Variants in CNTN4 observed in about 807,000 individuals in gnomAD.
The protein encoded by CNTN4 is contactin 4.
In CNTN4, 77 loss-of-function variants were observed where a neutral mutation model predicts 122.5. The observed-to-expected ratio is 0.63, with a 90% CI of 0.52 to 0.76. The LOEUF (loss-of-function observed/expected upper bound fraction) is 0.76. CNTN4 is among the 30% of genes least tolerant of loss of function. The pLI is 0.00. For missense variants in CNTN4, 1,256 were observed against 1,259.1 expected (o/e 1.00, Z 0.04); for synonymous variants, 512 against 447.0 (o/e 1.15, Z -1.83).
chr3:2,679,822 A>G (rs2085073006), intron 4 of CNTN4, among the ~76,000 whole-genome samples: 1 of 152,152 alleles, frequency 6.6e-6, no homozygotes, highest in South Asian at 2.1e-4. Flanking sequence ...CATTCTCACT[A>G]TAATTGCAAT....
chr3:2,806,323 AC>A (rs1216744037), intron 6 of CNTN4, among the ~76,000 whole-genome samples: 1 of 152,162 alleles, frequency 6.6e-6, no homozygotes, highest in Non-Finnish European at 1.5e-5. Flanking sequence ...TGGATTGTAA[AC>A]GTCTTGAGAT....
At chr3:2,211,107 G>T (rs2038596645) in intron 2 of CNTN4, among the ~76,000 whole-genome samples, 1 of 152,162 alleles carries the variant, frequency 6.6e-6, no homozygotes, top group South Asian at 2.1e-4. Context: ...ATCTGCTCCT[G>T]GAGAGGCCTC....
intron 4 of CNTN4, among the ~76,000 whole-genome samples, chr3:2,613,208 A>G (rs1037612994): frequency 3.3e-5 from 5 of 152,110 alleles, no homozygotes; most frequent in Middle Eastern, 3.2e-3. Flanking sequence ...AAAAAGTTCT[A>G]TGTATTTCCA....
At chr3:2,281,879 C>G (rs1282917326) in intron 2 of CNTN4, among the ~76,000 whole-genome samples, 1 of 152,124 alleles carries the variant, frequency 6.6e-6, no homozygotes, top group African/African-American at 2.4e-5. Context: ...TCGTGACTCT[C>G]ATTTTTGGTG....
intron 3 of CNTN4, among the ~76,000 whole-genome samples, chr3:2,515,906 C>CTATATA (rs60909830): frequency 1.2e-4 from 18 of 151,446 alleles, no homozygotes; most frequent in African/African-American, 4.4e-4. Flanking sequence ...GTACAGTTGA[C>CTATATA]TATATATATA....
rs2039308672 is a variant in CNTN4, at chr3:2,226,978, T to C, written c.-144-112200T>C. Among the ~76,000 whole-genome samples, 3 of 152,178 alleles carry C rather than the reference T, an allele frequency of 2.0e-5. No homozygotes were observed. In the South Asian group the frequency reaches 6.2e-4, roughly 31 times the overall value. The stretch of plus-strand genomic sequence containing the variant: ...GAGGCACAGAGTGTTGTGTAAATTA[T>C]CTGATGTCACACAGATATGTAAGTG... On this transcript the variant is annotated intron_variant, in intron 2 of 24. Transcript: ENST00000418658.
chr3:2,284,726 G>A (rs2041842289), intron 2 of CNTN4, among the ~76,000 whole-genome samples: 2 of 151,528 alleles, frequency 1.3e-5, no homozygotes, highest in Admixed American at 1.3e-4. Context: ...CTTCTTAAAG[G>A]TAATATAAAT....
chr3:2,689,738 T>TA (rs1380926317), intron 4 of CNTN4, among the ~76,000 whole-genome samples: 1 of 152,132 alleles, frequency 6.6e-6, no homozygotes, highest in African/African-American at 2.4e-5. Flanking sequence ...ATTTTTCATG[T>TA]AGTGCTCTGG....
At chr3:2,273,937 T>G (rs567389204) in intron 2 of CNTN4, among the ~76,000 whole-genome samples, 1 of 152,350 alleles carries the variant, frequency 6.6e-6, no homozygotes, top group Non-Finnish European at 1.5e-5. Flanking sequence ...AGGTTAGCAT[T>G]ATTTTATTTT....
intron 8 of CNTN4, among the ~76,000 whole-genome samples, chr3:2,875,785 T>C (rs1324232570): frequency 6.6e-6 from 1 of 152,184 alleles, no homozygotes; most frequent in Non-Finnish European, 1.5e-5. Context: ...GAGTGTTTAG[T>C]TCAATACAAC....
intron 3 of CNTN4, among the ~76,000 whole-genome samples, chr3:2,357,723 A>T (rs757296713): frequency 3.3e-5 from 5 of 152,194 alleles, no homozygotes; most frequent in Non-Finnish European, 7.3e-5. Flanking sequence ...AGTCTGTGTC[A>T]TTTCTCAATG....
At chr3:2,807,592 G>T (rs1014756695) in intron 6 of CNTN4, among the ~76,000 whole-genome samples, 1 of 151,880 alleles carries the variant, frequency 6.6e-6, no homozygotes, top group Non-Finnish European at 1.5e-5. Context: ...AACAGCCCTC[G>T]TTGAGCCAGT....
chr3:2,634,687 A>AAAAAT (rs1553599102), intron 4 of CNTN4, among the ~76,000 whole-genome samples: 1 of 133,154 alleles, frequency 7.5e-6, no homozygotes, highest in Non-Finnish European at 1.6e-5. Context: ...AAAAAAAAAA[A>AAAAAT]ATATATATAT....
At chr3:2,783,133 TA>T (rs1330237925) in intron 6 of CNTN4, among the ~76,000 whole-genome samples, 1 of 148,706 alleles carries the variant, frequency 6.7e-6, no homozygotes, top group Non-Finnish European at 1.5e-5. Context: ...TTTTTTTTTT[TA>T]AATTAGCAGG....
chr3:2,700,028 CCTGTCCTT>C (rs1352006699), intron 4 of CNTN4, among the ~76,000 whole-genome samples: 1 of 151,940 alleles, frequency 6.6e-6, no homozygotes, highest in Non-Finnish European at 1.5e-5. Flanking sequence ...TGAACATGAA[CCTGTCCTT>C]CTGCCTACCC....
intron 4 of CNTN4, among the ~76,000 whole-genome samples, chr3:2,595,568 G>A (rs1904395): frequency 6.6e-6 from 1 of 152,108 alleles, no homozygotes; most frequent in South Asian, 2.1e-4. Flanking sequence ...TGTCAATGAA[G>A]GATAAGTGGA....
chr3:2,150,417 A>G (rs1219508748), intron 2 of CNTN4, among the ~76,000 whole-genome samples: 1 of 151,966 alleles, frequency 6.6e-6, no homozygotes, highest in African/African-American at 2.4e-5. Context: ...TTTCCTTGCA[A>G]TTTTTTTGGA....
intron 3 of CNTN4, among the ~76,000 whole-genome samples, chr3:2,357,986 ACTTATCGTTT>A (rs758135722): frequency 4.6e-5 from 7 of 152,192 alleles, no homozygotes; most frequent in Non-Finnish European, 1.0e-4. Flanking sequence ...TGAATTCTAC[ACTTATCGTTT>A]CGTTTTATAA....
chr3:2,187,703 A>T (rs149740283), intron 2 of CNTN4, among the ~76,000 whole-genome samples: 41 of 152,268 alleles, frequency 2.7e-4, no homozygotes, highest in African/African-American at 9.1e-4. Context: ...TGATGAGTCT[A>T]TGCAGGGCCC....
Sources: allele counts gnomAD v4.1 joint callset (sites outside exome capture counted in the v4.1 genomes callset), GRCh38; gene constraint gnomAD v4.1.1; transcripts MANE v1.5; gene names NCBI Gene and HGNC (gene_info 2026-07-23, HGNC 2026-07-21).